GALNT10: variants seen among roughly 807,000 people sequenced by gnomAD.
GALNT10 encodes GalNAc transferase 10.
Under a neutral mutation model 75.0 loss-of-function variants are expected in GALNT10, and 41 were observed. The observed-to-expected ratio is 0.55, with a 90% CI of 0.43 to 0.71. The LOEUF is 0.71. Ranked by LOEUF, GALNT10 falls within the 30% of genes least tolerant of loss-of-function variation. The probability of loss-of-function intolerance (pLI) is 0.00; values close to 1 mark genes in which losing one functional copy is unlikely to be tolerated. For synonymous variants in GALNT10, 302 were observed against 313.0 expected (o/e 0.96, Z 0.37); for missense variants, 727 against 818.5 (o/e 0.89, Z 1.36).
chr5:154,209,808 A>G (rs1195883438), intron 1 of GALNT10, among the ~76,000 whole-genome samples: 4 of 152,196 alleles, frequency 2.6e-5, no homozygotes, highest in Non-Finnish European at 2.9e-5. Flanking sequence ...CACTGGCAGA[A>G]GAGTCTTTCT....
intron 1 of GALNT10, among the ~76,000 whole-genome samples, chr5:154,238,697 A>G (rs1753286927): frequency 1.3e-5 from 2 of 152,220 alleles, no homozygotes; most frequent in Non-Finnish European, 2.9e-5. Flanking sequence ...TAGCACTGGG[A>G]AAGCGAAATT....
chr5:154,362,282 C>T (rs1408783928), intron 4 of GALNT10, among the ~76,000 whole-genome samples: 2 of 152,126 alleles, frequency 1.3e-5, no homozygotes, highest in Non-Finnish European at 1.5e-5. Flanking sequence ...ACCAGAGGAC[C>T]AAACAGTCTT....
At chr5:154,330,184 T>A (rs1754833394) in intron 4 of GALNT10, among the ~76,000 whole-genome samples, 1 of 152,222 alleles carries the variant, frequency 6.6e-6, no homozygotes, top group Non-Finnish European at 1.5e-5. Flanking sequence ...AAGTCTGCCT[T>A]TCAGGCAGGG....
At chr5:154,210,456 T>G (rs1374531611) in intron 1 of GALNT10, among the ~76,000 whole-genome samples, 1 of 152,068 alleles carries the variant, frequency 6.6e-6, no homozygotes. Context: ...TAATGGCAGC[T>G]CAGGTGTCCC....
chr5:154,342,443 T>C (rs1177859400), intron 4 of GALNT10, among the ~76,000 whole-genome samples: 2 of 152,210 alleles, frequency 1.3e-5, no homozygotes, highest in African/African-American at 4.8e-5. Context: ...AAATGCAGGT[T>C]ACCAGGGCCC....
intron 10 of GALNT10, among the ~76,000 whole-genome samples, chr5:154,414,475 C>T (rs566058382): frequency 6.9e-4 from 105 of 152,230 alleles, no homozygotes; most frequent in African/African-American, 2.5e-3. Flanking sequence ...GAAAGAATGA[C>T]ACAAAAGAGA....
At chr5:154,222,513 A>G (rs886464744) in intron 1 of GALNT10, among the ~76,000 whole-genome samples, 1 of 152,174 alleles carries the variant, frequency 6.6e-6, no homozygotes, top group African/African-American at 2.4e-5. Flanking sequence ...TGTATGGTAT[A>G]TATATATCTT....
At chr5:154,255,439 A>T (rs1004375878) in intron 1 of GALNT10, among the ~76,000 whole-genome samples, 2 of 152,142 alleles carry the variant, frequency 1.3e-5, no homozygotes. Context: ...CAGAGATGTG[A>T]TATCATGAGG....
chr5:154,242,782 T>C (rs1233797557), intron 1 of GALNT10, among the ~76,000 whole-genome samples: 1 of 152,220 alleles, frequency 6.6e-6, no homozygotes, highest in Admixed American at 6.5e-5. Flanking sequence ...GACTCCCAGA[T>C]ATAACCCATG....
At chr5:154,398,151 G>T (rs987803542) in intron 7 of GALNT10, among the ~76,000 whole-genome samples, 1 of 152,220 alleles carries the variant, frequency 6.6e-6, no homozygotes, top group Non-Finnish European at 1.5e-5. Flanking sequence ...GCAGTGAAAG[G>T]GTCCTGGAAA....
intron 1 of GALNT10, among the ~76,000 whole-genome samples, chr5:154,217,437 T>TG (rs1752892056): frequency 6.6e-6 from 1 of 152,078 alleles, no homozygotes; most frequent in Non-Finnish European, 1.5e-5. Context: ...AGAGGGTGGT[T>TG]GGGGGCACTT....
intron 4 of GALNT10, among the ~76,000 whole-genome samples, chr5:154,345,652 T>A (rs1360869563): frequency 1.4e-5 from 2 of 145,960 alleles, no homozygotes; most frequent in Non-Finnish European, 3.0e-5. Flanking sequence ...TTTTTTTTTT[T>A]AAGAAAGAGT....
In GALNT10 at chr5:154,419,067, G is replaced by C. The variant is rs1201274082; in HGVS notation, c.*2095G>C. The C allele has an allele frequency of 1.3e-5, 2 of 152,376 alleles. No individual in the cohort carries two copies. Among genetic ancestry groups the C allele is most frequent in the African/African-American group, 2.4e-5 (1 of 41,366 alleles). The allele number at this position is 152,376 out of a possible 1,614,324, so 9.4% of individuals were successfully genotyped here. A position where few individuals can be genotyped will look rare whatever the true frequency, so the allele number is the denominator to read the frequency against. ...TAGTGCCTTGCTAGACAAACATAAA[G>C]GGGCAGGGTTGTGGGGAGGGGAACG... On this transcript the variant is annotated 3_prime_UTR_variant, in exon 12 of 12. Coordinates refer to ENST00000297107, the MANE Select transcript of GALNT10 (RefSeq NM_198321.4).
At chr5:154,288,573 G>T (rs900913649) in intron 1 of GALNT10, among the ~76,000 whole-genome samples, 9 of 139,452 alleles carry the variant, frequency 6.5e-5, no homozygotes, top group Non-Finnish European at 1.1e-4. Context: ...CATTGATTCT[G>T]CCAGTCTCCT....
chr5:154,400,413 T>A (rs1756137750), intron 7 of GALNT10, among the ~76,000 whole-genome samples: 1 of 152,094 alleles, frequency 6.6e-6, no homozygotes. Context: ...GGCCATCACA[T>A]CAAGCACCAG....
intron 1 of GALNT10, among the ~76,000 whole-genome samples, chr5:154,254,315 T>C (rs1753573828): frequency 6.6e-6 from 1 of 152,198 alleles, no homozygotes; most frequent in Non-Finnish European, 1.5e-5. Context: ...TTGTTGCTTC[T>C]ATGGCCATCT....
chr5:154,353,216 A>G (rs1210522213), intron 4 of GALNT10, among the ~76,000 whole-genome samples: 2 of 152,070 alleles, frequency 1.3e-5, no homozygotes, highest in Non-Finnish European at 1.5e-5. Context: ...TTCAAGGTGA[A>G]TTCTGTTTAT....
chr5:154,266,264 G>A (rs2113029443), intron 1 of GALNT10, among the ~76,000 whole-genome samples: 1 of 152,198 alleles, frequency 6.6e-6, no homozygotes, highest in Non-Finnish European at 1.5e-5. Flanking sequence ...GAAGAAAGCA[G>A]GCTCCAGACC....
At position 154,311,759 on chromosome 5, in the gene GALNT10, C is replaced by T. The variant is rs73281524; in HGVS notation, c.401+13680C>T. Among the ~76,000 whole-genome samples, 284 of 152,208 alleles carry T rather than the reference C, an allele frequency of 1.9e-3. 2 individuals carry two copies. Among genetic ancestry groups the T allele is most frequent in the African/African-American group, 6.6e-3 (276 of 41,538 alleles). Reference sequence around the variant, plus strand: ...TCGAGTAGCTGGGACTATGGGCACACGCCACCACACCAGGCTAATTTTTGT... The same window carrying T: ...TCGAGTAGCTGGGACTATGGGCACATGCCACCACACCAGGCTAATTTTTGT... On this transcript the variant is annotated intron_variant, in intron 3 of 11. Transcript: ENST00000297107.
Sources: gnomAD v4.1 joint callset for allele counts (sites outside exome capture counted in the v4.1 genomes callset) on GRCh38, gnomAD v4.1.1 for gene constraint, MANE v1.5 for transcripts, NCBI Gene and HGNC (gene_info 2026-07-23, HGNC 2026-07-21) for gene names.